The following RASA2 variants were observed in gnomAD, a reference collection of about 807,000 sequenced individuals.
RASA2 encodes the protein RAS p21 protein activator 2.
Under a neutral mutation model 118.2 loss-of-function variants are expected in RASA2, and 155 were observed. That is an observed-to-expected ratio of 1.31 (90% confidence interval 1.15 to 1.50). The LOEUF (loss-of-function observed/expected upper bound fraction) is 1.50. Among genes scored for constraint, RASA2 ranks in the 40% most tolerant of loss-of-function variants. The pLI is 0.00. For missense variants in RASA2, 1,016 were observed against 1,009.6 expected (o/e 1.01, Z -0.09); for synonymous variants, 353 against 349.1 (o/e 1.01, Z -0.12).
intron 1 of RASA2, among the ~76,000 whole-genome samples, chr3:141,501,829 A>T (rs1158796559): frequency 6.6e-6 from 1 of 152,186 alleles, no homozygotes; most frequent in Non-Finnish European, 1.5e-5. Flanking sequence ...TCATATTTTT[A>T]AATGTGCATT....
chr3:141,592,452 G>A (rs1407329799), intron 19 of RASA2, among the ~76,000 whole-genome samples: 1 of 152,246 alleles, frequency 6.6e-6, no homozygotes, highest in African/African-American at 2.4e-5. Flanking sequence ...ATAGGACCTT[G>A]TGGGCTTTTA....
intron 19 of RASA2, among the ~76,000 whole-genome samples, chr3:141,597,663 C>A (rs2083394737): frequency 6.6e-6 from 1 of 151,874 alleles, no homozygotes; most frequent in Non-Finnish European, 1.5e-5. Context: ...AGGATAAAAT[C>A]AAATATATTT....
intron 1 of RASA2, among the ~76,000 whole-genome samples, chr3:141,501,165 A>G (rs932411059): frequency 3.3e-5 from 5 of 152,332 alleles, no homozygotes; most frequent in African/African-American, 1.2e-4. Context: ...TGGCTAGCCA[A>G]CCTCAGATTT....
At chr3:141,544,847 G>A (rs1345592504) in intron 5 of RASA2, among the ~76,000 whole-genome samples, 4 of 152,210 alleles carry the variant, frequency 2.6e-5, no homozygotes, top group Non-Finnish European at 4.4e-5. Flanking sequence ...AACATAGGCG[G>A]AGCTGAAGGC....
chr3:141,508,932 C>T (rs566377958), intron 1 of RASA2, among the ~76,000 whole-genome samples: 2 of 151,944 alleles, frequency 1.3e-5, no homozygotes, highest in Non-Finnish European at 2.9e-5. Context: ...AAGTTCTTCA[C>T]TTTTGTCTTT....
rs113073532 is a variant in RASA2, at chr3:141,506,612, A to C, written c.134-5551A>C. On this transcript the variant is annotated intron_variant, in intron 1 of 23. Coordinates refer to ENST00000286364, the MANE Select transcript of RASA2 (RefSeq NM_006506.5). ...GGTGCACACGATTTGAATGTTAAGA[A>C]TTTGGATTTGGCACTCCCAGCCAGG... Among the ~76,000 whole-genome samples, 1,299 of 152,292 alleles carry C rather than the reference A, an allele frequency of 8.5e-3. 21 individuals are homozygous for C. Among genetic ancestry groups the C allele is most frequent in the African/African-American group, 0.025 (1,047 of 41,546 alleles).
chr3:141,577,038 G>T lies in RASA2; in HGVS notation c.1522G>T (p.Val508Leu), dbSNP rs571893543. Residue 508 changes from valine to leucine, a missense_variant, in exon 15 of 24, where the codon GTA (valine) becomes TTA (leucine). Physicochemically the swap from Val to Leu is conservative, Grantham distance 32. Coordinates refer to ENST00000286364, the MANE Select transcript of RASA2 (RefSeq NM_006506.5). ...HVQYSAVSSF[V>L]FLRFFAVAVV... ...TCAGTATTCTGCAGTGAGCAGCTTT[G>T]TATTTCTTCGTTTCTTTGCTGTAGC... 6.2e-7 allele frequency: 1 copy of T among 1,611,578 alleles called. No individual in the cohort carries two copies. Among genetic ancestry groups the T allele is most frequent in the Non-Finnish European group, 8.5e-7 (1 of 1,178,706 alleles).
chr3:141,492,894 C>T (rs2081655423), intron 1 of RASA2, among the ~76,000 whole-genome samples: 1 of 152,150 alleles, frequency 6.6e-6, no homozygotes, highest in Non-Finnish European at 1.5e-5. Flanking sequence ...CTGAAATGGG[C>T]CTAAGCTGTG....
chr3:141,611,997 A>G (rs926202530), intron 23 of RASA2, among the ~76,000 whole-genome samples: 2 of 152,148 alleles, frequency 1.3e-5, no homozygotes, highest in African/African-American at 4.8e-5. Flanking sequence ...ATCAACCTCT[A>G]CCATACTAAA....
At chr3:141,502,367 T>G (rs904031042) in intron 1 of RASA2, among the ~76,000 whole-genome samples, 7 of 152,218 alleles carry the variant, frequency 4.6e-5, no homozygotes, top group Admixed American at 1.3e-4. Flanking sequence ...ACAGAAACTT[T>G]TAGCGACCCT....
chr3:141,557,757 TAGAG>T (rs1194413472), intron 7 of RASA2, among the ~76,000 whole-genome samples: 4 of 151,466 alleles, frequency 2.6e-5, no homozygotes, highest in African/African-American at 7.3e-5. Flanking sequence ...GCTATGGAAA[TAGAG>T]AGGAAGAGGC....
rs1337306043 is a variant in RASA2 at position 141,581,151 on chromosome 3, G to T, written c.1726G>T (p.Glu576Ter). ...MCEFFKMFQE[E>*]GYIIAVKKFL... ...TGAATTTTTCAAAATGTTTCAAGAA[G>T]AAGGATATATTATAGCAGTTAAAAA... Residue 576 changes from glutamate to a stop codon, truncating the protein, a stop_gained, in exon 17 of 24, where the codon GAA (glutamate) becomes TAA (stop). Transcript: ENST00000286364. LOFTEE classifies it high-confidence loss of function. The T allele has an allele frequency of 2.6e-6, 4 of 1,539,350 alleles. No homozygotes were observed. The highest frequency in any genetic ancestry group is 3.5e-6 in the Non-Finnish European group (4 of 1,151,306).
chr3:141,505,302 A>G (rs1295572024), intron 1 of RASA2, among the ~76,000 whole-genome samples: 2 of 152,224 alleles, frequency 1.3e-5, no homozygotes, highest in East Asian at 3.8e-4. Flanking sequence ...GTGTTTAGGC[A>G]CTTAGTAAAT....
At chr3:141,591,799 T>C (rs1170901621) in intron 19 of RASA2, among the ~76,000 whole-genome samples, 2 of 152,150 alleles carry the variant, frequency 1.3e-5, no homozygotes, top group African/African-American at 4.8e-5. Flanking sequence ...GAAATGTCCA[T>C]GATATTTTAA....
intron 19 of RASA2, among the ~76,000 whole-genome samples, chr3:141,594,603 A>C (rs2083339149): frequency 1.3e-5 from 2 of 152,174 alleles, no homozygotes; most frequent in South Asian, 4.1e-4. Flanking sequence ...AAAGCAACTA[A>C]AACTGGAGGA....
Position 141,487,161 on chromosome 3 carries a change from C to G in RASA2, c.78C>G (p.Ala26=), listed in dbSNP as rs1370212374. Residue 26 remains alanine (A), a synonymous_variant, in exon 1 of 24, where the codon GCC becomes GCG. Coordinates refer to ENST00000286364, the MANE Select transcript of RASA2 (RefSeq NM_006506.5). The part of the protein sequence containing the change: ...PAASATAEPE[A]GDQDSREVRV... ...CGAGTGCGACTGCAGAGCCCGAGGC[C>G]GGGGACCAGGACAGTCGCGAGGTTC... The G allele has an allele frequency of 6.1e-6, 9 of 1,469,492 alleles. No homozygotes were observed. The highest frequency in any genetic ancestry group is 8.2e-6 in the Non-Finnish European group (9 of 1,102,970). 91.0% of individuals were successfully genotyped at this position (1,469,492 alleles called of 1,614,324 possible).
At chr3:141,578,296 C>T (rs1227157090) in intron 15 of RASA2, among the ~76,000 whole-genome samples, 1 of 152,192 alleles carries the variant, frequency 6.6e-6, no homozygotes, top group Non-Finnish European at 1.5e-5. Flanking sequence ...CATCTGTGAG[C>T]TTAATCCTAT....
At chr3:141,596,034 C>G (rs940938076) in intron 19 of RASA2, among the ~76,000 whole-genome samples, 1 of 152,214 alleles carries the variant, frequency 6.6e-6, no homozygotes, top group Non-Finnish European at 1.5e-5. Flanking sequence ...ATCTAATTTA[C>G]ATTTATGGGA....
chr3:141,607,257 A>T (rs538691955), intron 19 of RASA2, among the ~76,000 whole-genome samples: 1 of 152,282 alleles, frequency 6.6e-6, no homozygotes, highest in South Asian at 2.1e-4. Context: ...AGAAAAATAT[A>T]AAAATGCACA....
Sources: gnomAD v4.1 joint callset for allele counts (sites outside exome capture counted in the v4.1 genomes callset) on GRCh38, gnomAD v4.1.1 for gene constraint, MANE v1.5 for transcripts, NCBI Gene and HGNC (gene_info 2026-07-23, HGNC 2026-07-21) for gene names.